Variants in KCNH2 observed in about 807,000 individuals in gnomAD.
KCNH2 encodes the protein voltage-gated inwardly rectifying potassium channel KCNH2.
KCNH2 carries 35 observed loss-of-function variants against 95.9 expected under a neutral mutation model. The ratio of observed to expected loss-of-function variants is 0.37; its 90% CI spans 0.28 to 0.48. The LOEUF is 0.48. Ranked by LOEUF, KCNH2 falls within the 20% of genes least tolerant of loss-of-function variation. KCNH2 has a pLI of 0.99. For missense variants in KCNH2, 1,274 were observed against 1,702.9 expected, an observed-to-expected ratio of 0.75 and a Z score of 4.43; for synonymous variants, 786 against 754.7, an observed-to-expected ratio of 1.04 and a Z score of -0.68.
intron 3 of KCNH2, among the ~76,000 whole-genome samples, chr7:150,958,816 ACT>A (rs1219936499): frequency 6.6e-6 from 1 of 152,028 alleles, no homozygotes; most frequent in Non-Finnish European, 1.5e-5. Flanking sequence ...GCGTCATGTC[ACT>A]CTCTGGAGGT....
At chr7:150,969,037 G>A (rs543802815) in intron 2 of KCNH2, among the ~76,000 whole-genome samples, 3 of 152,198 alleles carry the variant, frequency 2.0e-5, no homozygotes, top group Non-Finnish European at 4.4e-5. Context: ...GAGGAATGGA[G>A]GTTTGCAGAC....
intron 5 of KCNH2, among the ~76,000 whole-genome samples, chr7:150,953,844 C>G (rs1801273702): frequency 6.6e-6 from 1 of 152,210 alleles, no homozygotes; most frequent in Non-Finnish European, 1.5e-5. Flanking sequence ...CCTTGCCCAG[C>G]CCCCATGAAT....
chr7:150,952,692 G>A lies in KCNH2; in HGVS notation c.1290C>T (p.Ala430=). 6.2e-7 allele frequency: 1 copy of A among 1,614,208 alleles called. No individual in the cohort carries two copies. Among genetic ancestry groups the A allele is most frequent in the Non-Finnish European group, 8.5e-7 (1 of 1,180,034 alleles). The change falls in exon 6 of 15, where the codon GCC becomes GCT. Residue 430 remains alanine (A), a synonymous_variant. Coordinates refer to ENST00000262186, the MANE Select transcript of KCNH2 (RefSeq NM_000238.4). This position sits in a 1 kb window ranked among gnomAD's most constrained non-coding sequence, Gnocchi z 7.3. ...YTAVFTPYSA[A]FLLKETEEGP... is the part of the protein sequence containing the mutation. ...CTTCTTCCGTCTCCTTCAGCAGGAA[G>A]GCAGCCGAGTAGGGTGTGAAGACAG... is the stretch of plus-strand genomic sequence containing the variant.
intron 4 of KCNH2, 115 bp downstream of exon 4, chr7:150,957,944 C>T: frequency 3.7e-6 from 3 of 801,076 alleles, no homozygotes; most frequent in South Asian, 7.3e-5. Context: ...GGATTTCCAT[C>T]TCCCAGGCAC....
rs1400273998 is a variant in KCNH2, at chr7:150,962,900, G to A, written c.308-3164C>T. On this transcript the variant is annotated intron_variant, in intron 2 of 14. Transcript: ENST00000262186. This position sits in a 1 kb window ranked among gnomAD's most constrained non-coding sequence, Gnocchi z 5.7. ...CTGCCGCGTCGGCTGGGGCTTCGGT[G>A]AACTGCCACATCACCTGCTCCCAGC... 6.6e-6 allele frequency among the ~76,000 whole-genome samples: 1 copy of A among 152,142 alleles called. No homozygotes were observed. Among genetic ancestry groups the A allele is most frequent in the Non-Finnish European group, 1.5e-5 (1 of 68,020 alleles).
intron 2 of KCNH2, among the ~76,000 whole-genome samples, chr7:150,972,232 G>A (rs41313101): frequency 0.015 from 2,328 of 152,352 alleles, 20 homozygotes; most frequent in Non-Finnish European, 0.024. Flanking sequence ...CCACGGCGGC[G>A]CCTGCCAGCA....
Position 150,945,245 on chromosome 7 carries a change from G to A in KCNH2, c.*120C>T. ...GGTCCCAAGGGCTGGGGGAGGAGCTGTGCTTTCGAGTTCCTCTCCCCTTCC... is the reference window on the plus strand; with the variant it reads ...GGTCCCAAGGGCTGGGGGAGGAGCTATGCTTTCGAGTTCCTCTCCCCTTCC... On this transcript the variant is annotated 3_prime_UTR_variant, in exon 15 of 15. Coordinates refer to ENST00000262186, the MANE Select transcript of KCNH2 (RefSeq NM_000238.4). This position sits in a 1 kb window ranked among gnomAD's most constrained non-coding sequence, Gnocchi z 5.6. 2.6e-6 allele frequency: 3 copies of A among 1,132,406 alleles called. No homozygotes were observed. The highest frequency in any genetic ancestry group is 2.6e-5 in the East Asian group (1 of 38,548). 70.1% of individuals were successfully genotyped at this position (1,132,406 alleles called of 1,614,324 possible).
chr7:150,948,160 C>T (rs1370373254), intron 11 of KCNH2, among the ~76,000 whole-genome samples: 1 of 152,166 alleles, frequency 6.6e-6, no homozygotes, highest in African/African-American at 2.4e-5. Context: ...CTCCTTTGTT[C>T]TATGTTCTTT....
rs537495278 is a variant in KCNH2, at chr7:150,968,763, A to C, written c.307+5948T>G. Among the ~76,000 whole-genome samples the C allele has an allele frequency of 2.0e-5, 3 of 152,084 alleles. No individual in the cohort carries two copies. The South Asian group carries it at 6.2e-4, about 32-fold the overall frequency. ...GGCCAGCAGCAGCCTGCAGGGAGGG[A>C]AGGGGAGAGGCAGGCAGCATGCAGG... On this transcript the variant is annotated intron_variant, in intron 2 of 14. Transcript: ENST00000262186.
At chr7:150,972,441 T>A (rs1188854556) in intron 2 of KCNH2, among the ~76,000 whole-genome samples, 2 of 152,034 alleles carry the variant, frequency 1.3e-5, no homozygotes, top group African/African-American at 4.8e-5. Flanking sequence ...AGGGACTGAG[T>A]GTTTCAAGGC....
At position 150,945,604 on chromosome 7, in the gene KCNH2, A is replaced by C; in HGVS notation, c.3331-90T>G. 7.3e-7 allele frequency: 1 copy of C among 1,369,208 alleles called. No individual in the cohort carries two copies. Among genetic ancestry groups the C allele is most frequent in the Non-Finnish European group, 1.0e-6 (1 of 982,098 alleles). The allele number at this position is 1,369,208 out of a possible 1,614,324, so 84.8% of individuals were successfully genotyped here. ...GGGCAGGAGAACCCGGGGACAGAGGATGGACGGGAGGACAGGAGGGCCAAG... is the reference window on the plus strand; with the variant it reads ...GGGCAGGAGAACCCGGGGACAGAGGCTGGACGGGAGGACAGGAGGGCCAAG... On this transcript the variant is annotated intron_variant, in intron 14 of 14. Coordinates refer to ENST00000262186, the MANE Select transcript of KCNH2 (RefSeq NM_000238.4). The surrounding 1 kb of genome is among the most constrained non-coding windows in gnomAD (Gnocchi z 5.6).
rs1800894381 is a variant in KCNH2, at chr7:150,946,508, T to G, written c.3330+369A>C. On this transcript the variant is annotated intron_variant, in intron 14 of 14. Transcript: ENST00000262186. The surrounding 1 kb of genome is among the most constrained non-coding windows in gnomAD (Gnocchi z 6.5). ...CTCCACCGCCACGTCTCGGGCTCAG[T>G]CAGTTCTTGGAGACCACCCGTGGCC... Among the ~76,000 whole-genome samples, 1 of 152,090 alleles carries G rather than the reference T, an allele frequency of 6.6e-6. No homozygotes were observed. The highest frequency in any genetic ancestry group is 2.4e-5 in the African/African-American group (1 of 41,424).
At position 150,945,415 on chromosome 7, in the gene KCNH2, C is replaced by T. The variant is rs199473034; in HGVS notation, c.3430G>A (p.Ala1144Thr). ...CTGTGCAGGGGCTGGGAGGTGAGGG[C>T]CCCCAGCTGGCCCGGTAGGGAGAGG... Reference protein sequence around the residue: ...RRLSLPGQLGALTSQPLHRHG... With the variant: ...RRLSLPGQLGTLTSQPLHRHG... Residue 1144 changes from alanine (A) to threonine (T), a missense_variant, in exon 15 of 15, where the codon GCC becomes ACC. By Grantham distance (58) the Ala-to-Thr change is moderately conservative. Around this residue, in one of 7 missense-constraint regions of KCNH2, gnomAD observed 457 missense variants for 416.1 expected, o/e 1.10. Coordinates refer to ENST00000262186, the MANE Select transcript of KCNH2 (RefSeq NM_000238.4). The surrounding 1 kb of genome is among the most constrained non-coding windows in gnomAD (Gnocchi z 5.6). The T allele has an allele frequency of 5.7e-6, 9 of 1,580,600 alleles. No homozygotes were observed. The highest frequency in any genetic ancestry group is 2.7e-5 in the African/African-American group (2 of 74,290).
Position 150,954,490 on chromosome 7 carries a change from CAG to C in KCNH2, c.1129-1639_1129-1638del, listed in dbSNP as rs41307304. ...TCACACGTGCATGGGGCACACCTGA[CAG>C]GGGCCAGTCCCAGCTCTGCAGCCAC... On this transcript the variant is annotated intron_variant, in intron 5 of 14. Coordinates refer to ENST00000262186, the MANE Select transcript of KCNH2 (RefSeq NM_000238.4). 1.4e-3 allele frequency among the ~76,000 whole-genome samples: 211 copies of C among 152,326 alleles called. 3 individuals carry two copies. The East Asian group carries it at 0.036, about 26-fold the overall frequency.
rs1801448644 is a variant in KCNH2, at chr7:150,958,257, G to A, written c.718C>T (p.Pro240Ser). The A allele has an allele frequency of 7.0e-7, 1 of 1,422,378 alleles. No homozygotes were observed. The highest frequency in any genetic ancestry group is 9.2e-7 in the Non-Finnish European group (1 of 1,091,314). The allele number at this position is 1,422,378 out of a possible 1,614,324, so 88.1% of individuals were successfully genotyped here. The part of the protein sequence containing the change: ...ERRALVGPGS[P>S]PRSAPGQLPS... ...AGCTGGCCGGGCGCGCTGCGGGGCG[G>A]AGAGCCGGGACCCACCAGCGCACGC... is the stretch of plus-strand genomic sequence containing the variant. The change falls in exon 4 of 15, where the codon CCG becomes TCG. Residue 240 changes from proline (P) to serine (S), a missense_variant. Around this residue, in one of 7 missense-constraint regions of KCNH2, gnomAD observed 392 missense variants for 429.9 expected, o/e 0.91. Coordinates refer to ENST00000262186, the MANE Select transcript of KCNH2 (RefSeq NM_000238.4).
intron 2 of KCNH2, among the ~76,000 whole-genome samples, chr7:150,959,956 C>A (rs1435874408): frequency 2.6e-5 from 4 of 152,212 alleles, no homozygotes; most frequent in East Asian, 1.9e-4. Flanking sequence ...TGCTGCCAGG[C>A]TCCCCTACCC....
In KCNH2 at chr7:150,946,611, G is replaced by C. The variant is rs1025694916; in HGVS notation, c.3330+266C>G. Among the ~76,000 whole-genome samples the C allele has an allele frequency of 6.6e-6, 1 of 152,190 alleles. No individual in the cohort carries two copies. The highest frequency in any genetic ancestry group is 6.5e-5 in the Admixed American group (1 of 15,290). ...TGGCGGTGGAGGCTGTGGACACTAG[G>C]GGAGTGAAGCTGCGGGCCACTTAGC... On this transcript the variant is annotated intron_variant, in intron 14 of 14. Coordinates refer to ENST00000262186, the MANE Select transcript of KCNH2 (RefSeq NM_000238.4). This position sits in a 1 kb window ranked among gnomAD's most constrained non-coding sequence, Gnocchi z 6.5.
chr7:150,948,704 G>T, intron 10 of KCNH2, 152 bp downstream of exon 10: 1 of 1,072,596 alleles, frequency 9.3e-7, no homozygotes, highest in Non-Finnish European at 1.4e-6. Flanking sequence ...GGCAAAGACT[G>T]AGTTTGGGAC....
At chr7:150,949,889 A>T (rs1433883420) in intron 9 of KCNH2, 2 of 1,415,528 alleles carry the variant, frequency 1.4e-6, no homozygotes, top group East Asian at 3.2e-5. Flanking sequence ...TAGAGGATCT[A>T]GATTTGATCC....
Sources: allele counts gnomAD v4.1 joint callset (sites outside exome capture counted in the v4.1 genomes callset), GRCh38; gene constraint gnomAD v4.1.1; regional missense constraint gnomAD v4.1.1; non-coding constraint Gnocchi (gnomAD v3.1); transcripts MANE v1.5; gene names NCBI Gene and HGNC (gene_info 2026-07-23, HGNC 2026-07-21).